PCNX1: variants seen among roughly 807,000 people sequenced by gnomAD.
PCNX1 encodes the protein pecanex-like protein 1.
A neutral mutation model predicts 242.2 loss-of-function variants in PCNX1; 78 were observed. That is an observed-to-expected ratio of 0.32 (90% CI 0.27 to 0.39). PCNX1 has a LOEUF of 0.39. Among genes scored for constraint, PCNX1 ranks in the 10% least tolerant of loss-of-function variants. PCNX1 has a pLI of 1.00. For synonymous variants in PCNX1, 1,024 were observed against 1,032.9 expected (o/e 0.99, Z 0.17); for missense variants, 2,581 against 2,856.5 (o/e 0.90, Z 2.20).
At chr14:71,008,512 C>T (rs1409069549) in intron 8 of PCNX1, among the ~76,000 whole-genome samples, 8 of 151,690 alleles carry the variant, frequency 5.3e-5, no homozygotes, top group Admixed American at 2.0e-4. Flanking sequence ...AAAAATTAGC[C>T]GGGCGTGGTG....
chr14:70,922,536 T>C (rs1328442573), intron 1 of PCNX1, among the ~76,000 whole-genome samples: 1 of 152,132 alleles, frequency 6.6e-6, no homozygotes, highest in African/African-American at 2.4e-5. Context: ...TCATCCACGC[T>C]ACCAGTTCAC....
chr14:71,046,857 T>G, intron 20 of PCNX1, 107 bp from the exon 21 acceptor site: 1 of 777,844 alleles, frequency 1.3e-6, no homozygotes. Flanking sequence ...TTAAAAACAG[T>G]TTATTTGTAG....
chr14:70,982,796 A>C (rs1429366218), intron 6 of PCNX1, among the ~76,000 whole-genome samples: 1 of 152,158 alleles, frequency 6.6e-6, no homozygotes, highest in Non-Finnish European at 1.5e-5. Flanking sequence ...TCAGCAGTGA[A>C]GTTCTGGGAA....
At chr14:70,949,753 C>T (rs1376370777) in intron 2 of PCNX1, among the ~76,000 whole-genome samples, 2 of 152,184 alleles carry the variant, frequency 1.3e-5, no homozygotes, top group African/African-American at 4.8e-5. Context: ...CCACTTTCCA[C>T]TTTACCTATT....
At chr14:71,095,304 T>G (rs1312317283) in intron 30 of PCNX1, among the ~76,000 whole-genome samples, 1 of 152,244 alleles carries the variant, frequency 6.6e-6, no homozygotes, top group African/African-American at 2.4e-5. Context: ...TAATTTCATA[T>G]TAATTTTTAT....
At chr14:70,932,984 G>A (rs1048717011) in intron 1 of PCNX1, among the ~76,000 whole-genome samples, 1 of 152,138 alleles carries the variant, frequency 6.6e-6, no homozygotes, top group East Asian at 1.9e-4. Flanking sequence ...CTAAACCATT[G>A]TTTTCTAGTG....
rs532841852 is a variant in PCNX1, at chr14:70,963,628, A to G, written c.468+1297A>G. ...GATAGAAGATTTGACTCTGATTAGC[A>G]TGTTCATGATTTAAAGTTAAAGTGA... On this transcript the variant is annotated intron_variant, in intron 3 of 35. Transcript: ENST00000304743. 1.5e-4 allele frequency among the ~76,000 whole-genome samples: 23 copies of G among 152,358 alleles called. No individual in the cohort carries two copies. The South Asian group carries it at 4.8e-3, about 32-fold the overall frequency.
chr14:70,952,731 A>G (rs1412139864), intron 2 of PCNX1, among the ~76,000 whole-genome samples: 2 of 152,078 alleles, frequency 1.3e-5, no homozygotes, highest in Non-Finnish European at 2.9e-5. Context: ...AGCCATTCAG[A>G]TTATTTCTAG....
intron 1 of PCNX1, among the ~76,000 whole-genome samples, chr14:70,939,691 C>A (rs915479949): frequency 6.6e-6 from 1 of 152,096 alleles, no homozygotes; most frequent in African/African-American, 2.4e-5. Flanking sequence ...TATCCTTGAT[C>A]ACTTTCTGTC....
At chr14:70,920,883 C>T (rs1256233521) in intron 1 of PCNX1, among the ~76,000 whole-genome samples, 2 of 152,106 alleles carry the variant, frequency 1.3e-5, no homozygotes, top group African/African-American at 4.8e-5. Flanking sequence ...GTGCTGGGTG[C>T]TGTGGTAGGC....
rs2056683425 is a variant in PCNX1 at position 70,928,828 on chromosome 14, TACC to T, written c.154-18086_154-18084del. ...TTTCTTTAATATGCATACATACCTCTACCTTTCTGCTTTATTTTAATAACCAGT... is the reference window on the plus strand; with the variant it reads ...TTTCTTTAATATGCATACATACCTCTTTTCTGCTTTATTTTAATAACCAGT... On this transcript the variant is annotated intron_variant, in intron 1 of 35. Coordinates refer to ENST00000304743, the MANE Select transcript of PCNX1 (RefSeq NM_014982.3). Among the ~76,000 whole-genome samples, 5 of 152,322 alleles carry T rather than the reference TACC, an allele frequency of 3.3e-5. No individual in the cohort carries two copies. The South Asian group carries it at 1.0e-3, about 32-fold the overall frequency.
At chr14:71,010,206 C>T (rs1050915076) in intron 9 of PCNX1, among the ~76,000 whole-genome samples, 3 of 151,958 alleles carry the variant, frequency 2.0e-5, no homozygotes, top group Non-Finnish European at 2.9e-5. Context: ...CAAGATATCC[C>T]GAAGATCTTA....
In PCNX1 at chr14:70,977,300, T is replaced by C. The variant is rs757387613; in HGVS notation, c.963T>C (p.Pro321=). ...DPVSELESSK[P]LSGSKESLVE... is the part of the protein sequence containing the mutation. ...TTAGTGAGTTAGAATCTTCCAAGCCTCTTTCTGGATCCAAAGAATCCTTGG... is the reference window on the plus strand; with the variant it reads ...TTAGTGAGTTAGAATCTTCCAAGCCCCTTTCTGGATCCAAAGAATCCTTGG... The change falls in exon 6 of 36, where the codon CCT becomes CCC. Residue 321 remains proline, a synonymous_variant. Coordinates refer to ENST00000304743, the MANE Select transcript of PCNX1 (RefSeq NM_014982.3). 1.2e-6 allele frequency: 2 copies of C among 1,614,218 alleles called. No homozygotes were observed. The highest frequency in any genetic ancestry group is 1.7e-6 in the Non-Finnish European group (2 of 1,180,032).
intron 1 of PCNX1, among the ~76,000 whole-genome samples, chr14:70,909,300 C>T (rs893638741): frequency 3.3e-5 from 5 of 151,536 alleles, no homozygotes; most frequent in African/African-American, 7.3e-5. Flanking sequence ...ATGCTGATGG[C>T]TTGTGGCTTG....
chr14:70,980,696 A>G (rs1177993975), intron 6 of PCNX1, among the ~76,000 whole-genome samples: 1 of 152,104 alleles, frequency 6.6e-6, no homozygotes, highest in Non-Finnish European at 1.5e-5. Context: ...TTTAAAAATT[A>G]CAGAGACTCT....
intron 3 of PCNX1, among the ~76,000 whole-genome samples, chr14:70,962,837 C>G (rs940061317): frequency 9.2e-5 from 14 of 152,098 alleles, no homozygotes; most frequent in African/African-American, 3.4e-4. Context: ...CTTGGCTGGA[C>G]CTTTGCTGCT....
At chr14:71,088,290 C>A in intron 28 of PCNX1, 40 bp from the exon 29 acceptor site, 2 of 1,157,778 alleles carry the variant, frequency 1.7e-6, no homozygotes, top group African/African-American at 1.5e-5. Context: ...TAAATACTTA[C>A]ATACCTTTCT....
intron 30 of PCNX1, among the ~76,000 whole-genome samples, chr14:71,098,620 T>C (rs1271734942): frequency 5.9e-5 from 9 of 151,744 alleles, no homozygotes; most frequent in African/African-American, 2.2e-4. Context: ...TTGAATATTA[T>C]TGGTTAATAG....
intron 5 of PCNX1, among the ~76,000 whole-genome samples, chr14:70,976,688 A>AATTTT (rs1241015755): frequency 2.0e-5 from 3 of 151,764 alleles, no homozygotes; most frequent in African/African-American, 4.8e-5. Flanking sequence ...GTTTCCTCTT[A>AATTTT]ATTTTATTGT....
Sources: allele counts gnomAD v4.1 joint callset (sites outside exome capture counted in the v4.1 genomes callset), GRCh38; gene constraint gnomAD v4.1.1; transcripts MANE v1.5; gene names NCBI Gene and HGNC (gene_info 2026-07-23, HGNC 2026-07-21).